Variants in ELMO1 observed in about 807,000 individuals in gnomAD.
ELMO1 encodes the protein engulfment and cell motility protein 1.
In ELMO1, 26 loss-of-function variants were observed where a neutral mutation model predicts 98.9. The ratio of observed to expected loss-of-function variants is 0.26; its 90% CI spans 0.19 to 0.36. The LOEUF (loss-of-function observed/expected upper bound fraction) is 0.36. ELMO1 is among the 10% of genes least tolerant of loss of function. The pLI, the probability that ELMO1 is intolerant of heterozygous loss-of-function variation, is 1.00. For synonymous variants in ELMO1, 346 were observed against 346.0 expected (o/e 1.00, Z 0.00); for missense variants, 627 against 935.2 (o/e 0.67, Z 4.30).
At chr7:37,319,861 A>G (rs1799387748) in intron 2 of ELMO1, among the ~76,000 whole-genome samples, 1 of 152,066 alleles carries the variant, frequency 6.6e-6, no homozygotes, top group African/African-American at 2.4e-5. Flanking sequence ...AAGTCTCCAC[A>G]TCTCCAATTT....
chr7:36,915,287 G>A (rs1184451100), intron 16 of ELMO1, among the ~76,000 whole-genome samples: 1 of 152,080 alleles, frequency 6.6e-6, no homozygotes, highest in East Asian at 1.9e-4. Context: ...AAGCTTACAT[G>A]CATTTATTTT....
intron 11 of ELMO1, among the ~76,000 whole-genome samples, chr7:37,215,821 A>G (rs1203222602): frequency 6.6e-6 from 1 of 152,126 alleles, no homozygotes; most frequent in East Asian, 1.9e-4. Context: ...GGGGAACTAT[A>G]ATTAACAAAC....
chr7:36,954,837 C>A (rs2129109954), intron 16 of ELMO1, among the ~76,000 whole-genome samples: 1 of 152,314 alleles, frequency 6.6e-6, no homozygotes, highest in Non-Finnish European at 1.5e-5. Context: ...TTCTTAAATT[C>A]TGTCCTAATC....
At chr7:37,246,851 T>C (rs540918707) in intron 6 of ELMO1, among the ~76,000 whole-genome samples, 1 of 151,288 alleles carries the variant, frequency 6.6e-6, no homozygotes, top group South Asian at 2.1e-4. Flanking sequence ...TCTGTCTATA[T>C]CTATCTATAT....
chr7:37,005,115 A>G (rs1378479288), intron 16 of ELMO1, among the ~76,000 whole-genome samples: 129 of 149,702 alleles, frequency 8.6e-4, no homozygotes, highest in African/African-American at 3.0e-3. Context: ...CTCAAAAAAA[A>G]AAAAAAAAAA....
intron 16 of ELMO1, among the ~76,000 whole-genome samples, chr7:36,924,454 A>G (rs17418395): frequency 0.33 from 50,197 of 151,940 alleles, 8,506 homozygotes; most frequent in Admixed American, 0.41. Context: ...AAGAAAACCA[A>G]TGCTGTACAA....
At chr7:36,861,858 T>C (rs972018202) in intron 20 of ELMO1, 122 bp from the exon 21 acceptor site, 11 of 855,976 alleles carry the variant, frequency 1.3e-5, no homozygotes, top group Non-Finnish European at 2.2e-5. Flanking sequence ...GGAGCTGCAA[T>C]GAGGCTGATG....
chr7:36,919,438 A>C (rs1784963432), intron 16 of ELMO1: 2 of 522,180 alleles, frequency 3.8e-6, no homozygotes, highest in Non-Finnish European at 8.0e-6. Context: ...TAGCATAGTA[A>C]ACTAGGAAGA....
chr7:36,970,217 A>ACACACACG (rs1554375645), intron 16 of ELMO1, among the ~76,000 whole-genome samples: 2 of 146,476 alleles, frequency 1.4e-5, no homozygotes, highest in African/African-American at 5.0e-5. Context: ...ACACACACAC[A>ACACACACG]CACGCACACC....
At chr7:37,364,583 AT>A (rs34314377) in intron 1 of ELMO1, among the ~76,000 whole-genome samples, 2,199 of 148,900 alleles carry the variant, frequency 0.015, 42 homozygotes, top group African/African-American at 0.05. Context: ...TGCTGGCTTA[AT>A]TTTTTTTTTT....
intron 16 of ELMO1, among the ~76,000 whole-genome samples, chr7:36,906,367 A>G (rs1406637257): frequency 2.0e-5 from 3 of 152,254 alleles, no homozygotes; most frequent in Admixed American, 6.5e-5. Context: ...TTCTTTGTTG[A>G]GAAATTGAAA....
chr7:37,258,291 A>C (rs1355839656), intron 6 of ELMO1, among the ~76,000 whole-genome samples: 1 of 151,690 alleles, frequency 6.6e-6, no homozygotes, highest in Non-Finnish European at 1.5e-5. Flanking sequence ...CAAAAAAAAA[A>C]CTAGCTGGGT....
At chr7:37,233,876 G>A (rs1794317301) in intron 7 of ELMO1, among the ~76,000 whole-genome samples, 1 of 152,180 alleles carries the variant, frequency 6.6e-6, no homozygotes, top group Non-Finnish European at 1.5e-5. Context: ...CACATAATGG[G>A]TTTGCTGACC....
rs1216651069 is a variant in ELMO1 at position 36,855,798 on chromosome 7, GA to G, written c.1984-48del. On this transcript the variant is annotated intron_variant, in intron 21 of 21. Coordinates refer to ENST00000310758, the MANE Select transcript of ELMO1 (RefSeq NM_014800.11). This position sits in a 1 kb window ranked among gnomAD's most constrained non-coding sequence, Gnocchi z 4.2. The stretch of plus-strand genomic sequence containing the variant: ...GCGATCATTACTGGTGGCAATTACA[GA>G]AGTATTAATAGTAAAAATAGCTAAC... 11 of 1,606,084 alleles carry G rather than the reference GA, an allele frequency of 6.8e-6. No individual in the cohort carries two copies. In the Admixed American group the frequency reaches 1.0e-4, roughly 15 times the overall value.
intron 1 of ELMO1, among the ~76,000 whole-genome samples, chr7:37,403,078 T>C (rs1015484446): frequency 2.0e-5 from 3 of 152,230 alleles, no homozygotes; most frequent in South Asian, 4.1e-4. Flanking sequence ...GAATAAACTG[T>C]AGTATAGATA....
chr7:37,036,365 C>G (rs935349457), intron 15 of ELMO1, among the ~76,000 whole-genome samples: 13 of 151,996 alleles, frequency 8.6e-5, no homozygotes, highest in Non-Finnish European at 1.8e-4. Context: ...AGGATTGTTA[C>G]TAATTTATTT....
Position 37,050,165 on chromosome 7 carries a change from G to A in ELMO1, c.1301-36730C>T, listed in dbSNP as rs189981251. 1.2e-4 allele frequency among the ~76,000 whole-genome samples: 19 copies of A among 152,108 alleles called. No homozygotes were observed. In the East Asian group the frequency reaches 1.4e-3, roughly 11 times the overall value. On this transcript the variant is annotated intron_variant, in intron 15 of 21. Transcript: ENST00000310758. ...GCAACCTTGGCTCACTGCAAACTCCGCCTCCCAGGCTCAAGCAATTCTGGT... is the reference window on the plus strand; with the variant it reads ...GCAACCTTGGCTCACTGCAAACTCCACCTCCCAGGCTCAAGCAATTCTGGT...
chr7:37,197,451 G>A (rs561432141), intron 13 of ELMO1, among the ~76,000 whole-genome samples: 2 of 152,280 alleles, frequency 1.3e-5, no homozygotes, highest in South Asian at 2.1e-4. Flanking sequence ...TCTGGACGTC[G>A]TGCTCACACC....
At chr7:36,875,805 AGG>A (rs1803913265) in intron 19 of ELMO1, among the ~76,000 whole-genome samples, 1 of 152,138 alleles carries the variant, frequency 6.6e-6, no homozygotes, top group Admixed American at 6.5e-5. Context: ...CCCCTACACA[AGG>A]CTTTGTTGCT....
Sources: allele counts gnomAD v4.1 joint callset (sites outside exome capture counted in the v4.1 genomes callset), GRCh38; gene constraint gnomAD v4.1.1; non-coding constraint Gnocchi (gnomAD v3.1); transcripts MANE v1.5; gene names NCBI Gene and HGNC (gene_info 2026-07-23, HGNC 2026-07-21).